ATP10D: variants seen among roughly 807,000 people sequenced by gnomAD.
The protein encoded by ATP10D is ATPase phospholipid transporting 10D (putative), also known as phospholipid-transporting ATPase VD.
ATP10D carries 89 observed loss-of-function variants against 144.8 expected under a neutral mutation model. That is an observed-to-expected ratio of 0.61 (90% CI 0.52 to 0.73). ATP10D has a LOEUF of 0.73. Ranked by LOEUF, ATP10D falls within the 30% of genes least tolerant of loss-of-function variation. ATP10D has a pLI of 0.00. For missense variants in ATP10D, 1,603 were observed against 1,714.8 expected, an observed-to-expected ratio of 0.93 and a Z score of 1.15; for synonymous variants, 571 against 615.1, an observed-to-expected ratio of 0.93 and a Z score of 1.06.
At chr4:47,494,664 T>C (rs1715262737) in intron 1 of ATP10D, among the ~76,000 whole-genome samples, 1 of 151,884 alleles carries the variant, frequency 6.6e-6, no homozygotes, top group Non-Finnish European at 1.5e-5. Context: ...AAATAGGCTC[T>C]TAATTAGGAA....
intron 9 of ATP10D, among the ~76,000 whole-genome samples, chr4:47,543,964 T>A (rs1251695624): frequency 5.9e-5 from 9 of 152,210 alleles, no homozygotes; most frequent in Non-Finnish European, 1.2e-4. Flanking sequence ...TTCATTCATT[T>A]ATTATTCATT....
At chr4:47,490,274 A>G (rs923940503) in intron 1 of ATP10D, among the ~76,000 whole-genome samples, 2 of 152,200 alleles carry the variant, frequency 1.3e-5, no homozygotes, top group African/African-American at 4.8e-5. Context: ...CTTCACAAAT[A>G]TTCTATTTAT....
rs140687448 is a variant in ATP10D at position 47,525,579 on chromosome 4, A to C, written c.713A>C (p.Lys238Thr). 9 of 1,613,432 alleles carry C rather than the reference A, an allele frequency of 5.6e-6. No individual in the cohort carries two copies. The highest frequency in any genetic ancestry group is 7.6e-6 in the Non-Finnish European group (9 of 1,179,444). The change falls in exon 5 of 23, where the codon AAG (lysine) becomes ACG (threonine). Residue 238 changes from lysine to threonine, a missense_variant. By Grantham distance (78) the Lys-to-Thr change is moderately conservative (BLOSUM62 -1). Coordinates refer to ENST00000273859, the MANE Select transcript of ATP10D (RefSeq NM_020453.4). ...AEQDSEVDPEKFSSRIECESP... is the reference protein window; with the variant it reads ...AEQDSEVDPETFSSRIECESP... Reference sequence around the variant, plus strand: ...TAGGACTCTGAAGTTGATCCTGAGAAGTTTTCCAGTAGGATAGAATGTGAA... The same window carrying C: ...TAGGACTCTGAAGTTGATCCTGAGACGTTTTCCAGTAGGATAGAATGTGAA...
At chr4:47,590,987 G>T in intron 22 of ATP10D, 55 bp from the exon 23 acceptor site, 5 of 1,212,896 alleles carry the variant, frequency 4.1e-6, no homozygotes, top group South Asian at 3.4e-5. Context: ...GGGGGGGGGG[G>T]TTCTGTAATG....
At chr4:47,575,647 T>G (rs967389737) in intron 18 of ATP10D, among the ~76,000 whole-genome samples, 1 of 152,234 alleles carries the variant, frequency 6.6e-6, no homozygotes, top group Non-Finnish European at 1.5e-5. Context: ...ATCCTTCAGT[T>G]TGAATACTGG....
At chr4:47,495,731 A>G (rs1715320562) in intron 1 of ATP10D, among the ~76,000 whole-genome samples, 1 of 150,618 alleles carries the variant, frequency 6.6e-6, no homozygotes, top group Admixed American at 6.7e-5. Context: ...CAATTCTTTT[A>G]AGCAACTTTT....
At chr4:47,547,203 G>A (rs910786485) in intron 10 of ATP10D, 3 of 279,426 alleles carry the variant, frequency 1.1e-5, no homozygotes, top group Non-Finnish European at 2.0e-5. Context: ...GCTTACCAGA[G>A]TTATCTCGTA....
At chr4:47,570,287 A>T (rs1033131541) in intron 16 of ATP10D, among the ~76,000 whole-genome samples, 1 of 152,166 alleles carries the variant, frequency 6.6e-6, no homozygotes, top group Non-Finnish European at 1.5e-5. Flanking sequence ...TGAGAGAAAG[A>T]GTTGTCATAG....
intron 1 of ATP10D, among the ~76,000 whole-genome samples, chr4:47,495,555 A>C (rs536825058): frequency 1.3e-5 from 2 of 152,340 alleles, no homozygotes; most frequent in South Asian, 4.1e-4. Context: ...ATCTGCTATT[A>C]ATAGACTATC....
intron 21 of ATP10D, among the ~76,000 whole-genome samples, chr4:47,582,520 A>G (rs1310639911): frequency 1.3e-5 from 2 of 152,216 alleles, no homozygotes; most frequent in Non-Finnish European, 2.9e-5. Context: ...GGAATAAAAT[A>G]TGAAAGCCCT....
At chr4:47,544,404 G>A (rs767541034) in intron 9 of ATP10D, among the ~76,000 whole-genome samples, 8 of 152,124 alleles carry the variant, frequency 5.3e-5, no homozygotes, top group Non-Finnish European at 1.0e-4. Context: ...TAGAAAGGAC[G>A]CAAATGAATA....
chr4:47,523,447 G>T (rs1717073966), intron 4 of ATP10D, among the ~76,000 whole-genome samples: 1 of 152,150 alleles, frequency 6.6e-6, no homozygotes, highest in Non-Finnish European at 1.5e-5. Context: ...TCATATTTTT[G>T]AGAATGGAAT....
chr4:47,526,368 A>T (rs1447272961), intron 5 of ATP10D, among the ~76,000 whole-genome samples: 1 of 152,228 alleles, frequency 6.6e-6, no homozygotes, highest in African/African-American at 2.4e-5. Flanking sequence ...AAAGCATCTT[A>T]CAAAATCTAA....
At chr4:47,542,688 A>G (rs1024229177) in intron 9 of ATP10D, among the ~76,000 whole-genome samples, 4 of 152,036 alleles carry the variant, frequency 2.6e-5, no homozygotes. Context: ...CATGTTGGCC[A>G]GGCTGGTCTC....
Position 47,569,114 on chromosome 4 carries a change from G to C in ATP10D, c.3131G>C (p.Arg1044Pro), listed in dbSNP as rs749518084. 1.2e-6 allele frequency: 2 copies of C among 1,613,818 alleles called. No homozygotes were observed. The highest frequency in any genetic ancestry group is 3.3e-5 in the Admixed American group (2 of 60,020). ...LQKSEVVKLV[R>P]SHLQVMTLAI... ...AAAAGTGAAGTGGTGAAATTGGTCC[G>C]CAGCCATCTCCAGGTGATGACCCTT... Residue 1044 changes from arginine (R) to proline (P), a missense_variant, in exon 16 of 23, where the codon CGC (arginine) becomes CCC (proline). By Grantham distance (103) the Arg-to-Pro change is moderately radical. Coordinates refer to ENST00000273859, the MANE Select transcript of ATP10D (RefSeq NM_020453.4).
intron 19 of ATP10D, 139 bp from the exon 20 acceptor site, chr4:47,580,259 C>T (rs75835128): frequency 0.026 from 18,739 of 726,764 alleles, 314 homozygotes; most frequent in Non-Finnish European, 0.031. Context: ...TTACCCTTAT[C>T]TTTACCTCTG....
At chr4:47,581,587 A>G (rs535346509) in intron 20 of ATP10D, among the ~76,000 whole-genome samples, 1 of 152,170 alleles carries the variant, frequency 6.6e-6, no homozygotes, top group East Asian at 1.9e-4. Flanking sequence ...GGACTTGAAG[A>G]CATATAGGAA....
chr4:47,514,730 C>T (rs553061757), intron 2 of ATP10D, among the ~76,000 whole-genome samples: 2 of 152,162 alleles, frequency 1.3e-5, no homozygotes, highest in African/African-American at 4.8e-5. Context: ...AAGAAATAGG[C>T]TTTTCTACTC....
chr4:47,539,616 A>C (rs1718030526), intron 9 of ATP10D, among the ~76,000 whole-genome samples: 2 of 152,214 alleles, frequency 1.3e-5, no homozygotes, highest in African/African-American at 4.8e-5. Context: ...TTAAGACTTC[A>C]TCATTCATTA....
Sources: gnomAD v4.1 joint callset for allele counts (sites outside exome capture counted in the v4.1 genomes callset) on GRCh38, gnomAD v4.1.1 for gene constraint, MANE v1.5 for transcripts, NCBI Gene and HGNC (gene_info 2026-07-23, HGNC 2026-07-21) for gene names.